CFAP61: variants seen among roughly 807,000 people sequenced by gnomAD.
CFAP61 encodes cilia and flagella associated protein 61, also known as cilia- and flagella-associated protein 61.
Under a neutral mutation model 135.6 loss-of-function variants are expected in CFAP61, and 107 were observed. The ratio of observed to expected loss-of-function variants is 0.79; its 90% CI spans 0.67 to 0.93. The LOEUF (loss-of-function observed/expected upper bound fraction) is 0.93. CFAP61 is among the 40% of genes least tolerant of loss of function. CFAP61 has a pLI of 0.00. For missense variants in CFAP61, 1,507 were observed against 1,556.2 expected (o/e 0.97, Z 0.53); for synonymous variants, 575 against 578.5 (o/e 0.99, Z 0.09).
chr20:20,323,984 CCTTA>C (rs1181797642), intron 25 of CFAP61, among the ~76,000 whole-genome samples: 10 of 152,132 alleles, frequency 6.6e-5, no homozygotes, highest in African/African-American at 1.2e-4. Context: ...TACCAACGTG[CCTTA>C]CTTAATTAAC....
chr20:20,168,468 A>T (rs2053990151), intron 12 of CFAP61, among the ~76,000 whole-genome samples: 1 of 152,248 alleles, frequency 6.6e-6, no homozygotes, highest in Admixed American at 6.5e-5. Flanking sequence ...TTTCACATTT[A>T]TAGTACATCA....
At chr20:20,229,226 A>G (rs983831272) in intron 18 of CFAP61, among the ~76,000 whole-genome samples, 4 of 152,044 alleles carry the variant, frequency 2.6e-5, no homozygotes, top group Middle Eastern at 3.2e-3. Context: ...TTAATAGAAA[A>G]CACCCTGGAT....
intron 21 of CFAP61, chr20:20,265,804 G>GA: frequency 3.9e-6 from 1 of 255,788 alleles, no homozygotes; most frequent in East Asian, 8.3e-5. Context: ...AAAAAGTTAA[G>GA]AAAAAATGTT....
At chr20:20,307,095 C>A (rs912894450) in intron 25 of CFAP61, among the ~76,000 whole-genome samples, 1 of 152,130 alleles carries the variant, frequency 6.6e-6, no homozygotes, top group African/African-American at 2.4e-5. Flanking sequence ...GCTGCCACCC[C>A]GACCACCCTC....
intron 25 of CFAP61, among the ~76,000 whole-genome samples, chr20:20,323,568 C>T (rs1054685420): frequency 2.0e-5 from 3 of 152,108 alleles, no homozygotes; most frequent in African/African-American, 2.4e-5. Context: ...GTATTAATAA[C>T]GAATGGAATG....
intron 25 of CFAP61, among the ~76,000 whole-genome samples, chr20:20,306,746 G>A (rs1015445831): frequency 2.0e-5 from 3 of 152,116 alleles, no homozygotes; most frequent in Non-Finnish European, 4.4e-5. Flanking sequence ...GGCAGGCAGA[G>A]GAAGGCGCTG....
chr20:20,267,712 G>A (rs1161432655), intron 21 of CFAP61: 1 of 152,222 alleles, frequency 6.6e-6, no homozygotes, highest in Non-Finnish European at 1.5e-5. Flanking sequence ...CCTCGCAGAC[G>A]GTTTGAAGGG....
In CFAP61 at chr20:20,074,379, G is replaced by C. The variant is rs1246351772; in HGVS notation, c.371+1G>C. The C allele has an allele frequency of 1.2e-6, 2 of 1,613,546 alleles. No homozygotes were observed. The highest frequency in any genetic ancestry group is 1.7e-5 in the Admixed American group (1 of 60,022). ...TTGGCTGTTGCAAAGAGATTCTTCG[G>C]TGAGTGGATATGGCCGTGCAGTGGT... On this transcript the variant is annotated splice_donor_variant, in intron 4 of 26. Transcript: ENST00000245957. LOFTEE classifies it high-confidence loss of function.
At chr20:20,072,671 G>C (rs1437698024) in intron 3 of CFAP61, among the ~76,000 whole-genome samples, 1 of 152,162 alleles carries the variant, frequency 6.6e-6, no homozygotes, top group East Asian at 1.9e-4. Context: ...TTCTATGACA[G>C]TATAGTGCTG....
At chr20:20,301,343 G>A (rs1396365201) in intron 25 of CFAP61, among the ~76,000 whole-genome samples, 4 of 152,196 alleles carry the variant, frequency 2.6e-5, no homozygotes, top group South Asian at 2.1e-4. Flanking sequence ...AGCAACAGGG[G>A]CATATAGGCC....
intron 21 of CFAP61, 68 bp from the exon 22 acceptor site, chr20:20,277,098 A>G (rs1313492789): frequency 2.0e-5 from 26 of 1,270,456 alleles, no homozygotes; most frequent in East Asian, 1.9e-4. Context: ...ATTCGGCATT[A>G]TTAGCATTTG....
At chr20:20,225,413 A>T (rs186629804) in intron 17 of CFAP61, 4 of 152,180 alleles carry the variant, frequency 2.6e-5, no homozygotes, top group Admixed American at 1.3e-4. Flanking sequence ...CATCATTGGT[A>T]CTGGTTGCCT....
intron 6 of CFAP61, among the ~76,000 whole-genome samples, chr20:20,076,048 A>G (rs943741457): frequency 1.3e-5 from 2 of 152,210 alleles, no homozygotes; most frequent in Non-Finnish European, 2.9e-5. Context: ...AGGTGCCCCA[A>G]GTCCAGCAGT....
chr20:20,219,500 T>C (rs1261879577), intron 17 of CFAP61, among the ~76,000 whole-genome samples: 1 of 152,216 alleles, frequency 6.6e-6, no homozygotes, highest in Non-Finnish European at 1.5e-5. Context: ...CAACTGTTAA[T>C]GCATCTCTGA....
intron 18 of CFAP61, chr20:20,228,583 T>C (rs775955313): frequency 1.2e-4 from 52 of 430,304 alleles, no homozygotes; most frequent in Non-Finnish European, 1.9e-4. Flanking sequence ...GCTTGCCAAC[T>C]GCTTTTGTAA....
chr20:20,078,569 G>A (rs761214761), intron 6 of CFAP61, among the ~76,000 whole-genome samples: 7 of 152,304 alleles, frequency 4.6e-5, no homozygotes, highest in Middle Eastern at 3.4e-3. Context: ...ACACATTTGT[G>A]AGTTGTCAGT....
rs1175172284 is a variant in CFAP61 at position 20,300,288 on chromosome 20, GA to G, written c.3422+1910del. 1.5e-4 allele frequency among the ~76,000 whole-genome samples: 23 copies of G among 152,012 alleles called. No homozygotes were observed. In the East Asian group the frequency reaches 2.9e-3, roughly 19 times the overall value. On this transcript the variant is annotated intron_variant, in intron 25 of 26. Transcript: ENST00000245957. ...TTTCGAGTGTATGCCTTCTACTTAT[GA>G]AAAAAAAGTTAACTCTAAAACAGTC...
intron 24 of CFAP61, among the ~76,000 whole-genome samples, chr20:20,292,764 C>T (rs1308610489): frequency 6.6e-6 from 1 of 152,104 alleles, no homozygotes; most frequent in African/African-American, 2.4e-5. Context: ...CCAGACTGCT[C>T]ACGCAGTGGC....
At chr20:20,152,675 A>G (rs2052551933) in intron 9 of CFAP61, among the ~76,000 whole-genome samples, 1 of 151,646 alleles carries the variant, frequency 6.6e-6, no homozygotes, top group Non-Finnish European at 1.5e-5. Context: ...AAATACCCCA[A>G]TCCTAAATAT....
Sources: allele counts gnomAD v4.1 joint callset (sites outside exome capture counted in the v4.1 genomes callset), GRCh38; gene constraint gnomAD v4.1.1; transcripts MANE v1.5; gene names NCBI Gene and HGNC (gene_info 2026-07-23, HGNC 2026-07-21).